The following SIPA1L3 variants were observed in gnomAD, a reference collection of about 807,000 sequenced individuals.
The protein encoded by SIPA1L3 is signal induced proliferation associated 1 like 3.
A neutral mutation model predicts 150.1 loss-of-function variants in SIPA1L3; 59 were observed. The observed-to-expected ratio is 0.39, with a 90% CI of 0.32 to 0.49. SIPA1L3 has a LOEUF of 0.49. Among genes scored for constraint, SIPA1L3 ranks in the 20% least tolerant of loss-of-function variants. SIPA1L3 has a pLI of 0.86. For missense variants in SIPA1L3, 2,211 were observed against 2,489.5 expected, an observed-to-expected ratio of 0.89 and a Z score of 2.38; for synonymous variants, 1,070 against 1,077.6, an observed-to-expected ratio of 0.99 and a Z score of 0.14.
chr19:38,109,026 C>A (rs1365234899), intron 7 of SIPA1L3, among the ~76,000 whole-genome samples: 1 of 152,054 alleles, frequency 6.6e-6, no homozygotes, highest in East Asian at 1.9e-4. Flanking sequence ...ACAATATAAT[C>A]TCAGCAAATA....
intron 1 of SIPA1L3, among the ~76,000 whole-genome samples, chr19:37,985,860 A>G (rs1297167854): frequency 6.6e-6 from 1 of 152,212 alleles, no homozygotes; most frequent in Non-Finnish European, 1.5e-5. Context: ...ATGCGGGGCC[A>G]CAGGGAAGAG....
chr19:38,074,778 T>C (rs1041055866), intron 2 of SIPA1L3, among the ~76,000 whole-genome samples: 1 of 152,242 alleles, frequency 6.6e-6, no homozygotes, highest in Non-Finnish European at 1.5e-5. Flanking sequence ...TGTTGTTTGA[T>C]TTTTGAGATA....
intron 2 of SIPA1L3, among the ~76,000 whole-genome samples, chr19:38,071,258 TATCTATC>T (rs1969716784): frequency 3.3e-5 from 5 of 151,532 alleles, no homozygotes; most frequent in South Asian, 4.2e-4. Context: ...TCTATCTATC[TATCTATC>T]TGCCTGCCTA....
At chr19:37,913,659 G>A (rs2046393168) in intron 1 of SIPA1L3, among the ~76,000 whole-genome samples, 1 of 150,868 alleles carries the variant, frequency 6.6e-6, no homozygotes, top group East Asian at 2.0e-4. Context: ...GCCTTGTACA[G>A]TGCTGGGATT....
At chr19:38,070,048 A>G (rs947867438) in intron 2 of SIPA1L3, among the ~76,000 whole-genome samples, 2 of 151,910 alleles carry the variant, frequency 1.3e-5, no homozygotes, top group African/African-American at 4.8e-5. Flanking sequence ...TCCCCCGAGC[A>G]TCCCCATCTG....
chr19:38,085,353 G>A (rs965737185), intron 3 of SIPA1L3, among the ~76,000 whole-genome samples: 1 of 151,914 alleles, frequency 6.6e-6, no homozygotes, highest in Non-Finnish European at 1.5e-5. Flanking sequence ...GGTGGTGGGC[G>A]CCTGTAGTCC....
intron 8 of SIPA1L3, among the ~76,000 whole-genome samples, chr19:38,115,451 G>A (rs1172296673): frequency 2.0e-5 from 3 of 152,194 alleles, no homozygotes; most frequent in Admixed American, 6.5e-5. Context: ...CGGCAGAATG[G>A]ATCAGAGGGG....
At chr19:38,184,001 A>G (rs1042180476) in intron 16 of SIPA1L3, among the ~76,000 whole-genome samples, 4 of 152,186 alleles carry the variant, frequency 2.6e-5, no homozygotes, top group Non-Finnish European at 5.9e-5. Flanking sequence ...TTTGCTTTAA[A>G]GTGAAAGAGG....
intron 2 of SIPA1L3, among the ~76,000 whole-genome samples, chr19:38,042,229 G>A (rs1440376385): frequency 1.3e-5 from 2 of 151,990 alleles, no homozygotes; most frequent in Non-Finnish European, 2.9e-5. Flanking sequence ...TTTTGTGTAT[G>A]GTATAAGATT....
At chr19:37,956,343 A>G (rs921108583) in intron 1 of SIPA1L3, among the ~76,000 whole-genome samples, 3 of 152,016 alleles carry the variant, frequency 2.0e-5, no homozygotes, top group South Asian at 2.1e-4. Context: ...TTGTTTGCCT[A>G]TTTCTTAATC....
At chr19:37,969,726 A>G (rs2046937021) in intron 1 of SIPA1L3, among the ~76,000 whole-genome samples, 1 of 151,916 alleles carries the variant, frequency 6.6e-6, no homozygotes, top group African/African-American at 2.4e-5. Flanking sequence ...GCCCTTCCCT[A>G]TGCCTGAAAT....
rs111693977 is a variant in SIPA1L3, at chr19:38,011,412, G to T, written c.-378-17677G>T. Among the ~76,000 whole-genome samples, 365 of 152,294 alleles carry T rather than the reference G, an allele frequency of 2.4e-3. 3 individuals carry two copies. Among genetic ancestry groups the T allele is most frequent in the African/African-American group, 8.6e-3 (358 of 41,564 alleles). ...AATCACTTGAGCCCCGGAGGTCCAG[G>T]CTGCAGTGAGCCATGATTGCACCAC... is the stretch of plus-strand genomic sequence containing the variant. On this transcript the variant is annotated intron_variant, in intron 1 of 21. Coordinates refer to ENST00000222345, the MANE Select transcript of SIPA1L3 (RefSeq NM_015073.3).
At position 38,208,024 on chromosome 19, in the gene SIPA1L3, C is replaced by T. The variant is rs1354286601; in HGVS notation, c.*1784C>T. The T allele has an allele frequency of 2.4e-5, 3 of 123,456 alleles. No homozygotes were observed. The highest frequency in any genetic ancestry group is 8.1e-5 in the Admixed American group (1 of 12,312). The allele number at this position is 123,456 out of a possible 1,614,324, so 7.6% of individuals were successfully genotyped here. ...CCACCCCCACCCCTTAGACCCTCAT[C>T]GGGTCCCTTTTTTTTTTTTTTTTTC... On this transcript the variant is annotated 3_prime_UTR_variant, in exon 22 of 22. Transcript: ENST00000222345.
rs34874664 is a variant in SIPA1L3, at chr19:38,018,156, C to CTTTTTTTTTT, written c.-378-10916_-378-10907dup. On this transcript the variant is annotated intron_variant, in intron 1 of 21. Coordinates refer to ENST00000222345, the MANE Select transcript of SIPA1L3 (RefSeq NM_015073.3). ...TCAGTCTGGATAGCCCTTTGAGTGTCTTTTTTTTTTTTTTTTTTTTTTTTT... is the reference window on the plus strand; with the variant it reads ...TCAGTCTGGATAGCCCTTTGAGTGTCTTTTTTTTTTTTTTTTTTTTTTTTTTTTTTTTTTT... Among the ~76,000 whole-genome samples, 13 of 61,328 alleles carry CTTTTTTTTTT rather than the reference C, an allele frequency of 2.1e-4. 1 individual carries two copies. The highest frequency in any genetic ancestry group is 9.5e-4 in the African/African-American group (13 of 13,660). The allele number at this position is 61,328 out of a possible 152,430, so 40.2% of individuals were successfully genotyped here.
At chr19:37,940,745 A>G (rs1263253825) in intron 1 of SIPA1L3, among the ~76,000 whole-genome samples, 1 of 151,608 alleles carries the variant, frequency 6.6e-6, no homozygotes, top group African/African-American at 2.4e-5. Flanking sequence ...ACGCCCAGCT[A>G]ATTTTTTTGT....
intron 1 of SIPA1L3, among the ~76,000 whole-genome samples, chr19:37,966,907 C>G (rs1420419886): frequency 6.6e-6 from 1 of 152,176 alleles, no homozygotes; most frequent in Non-Finnish European, 1.5e-5. Flanking sequence ...CGGACAGGCC[C>G]AGTTTCCACG....
chr19:38,115,161 A>G (rs1970855899), intron 8 of SIPA1L3, among the ~76,000 whole-genome samples: 1 of 152,112 alleles, frequency 6.6e-6, no homozygotes, highest in Non-Finnish European at 1.5e-5. Flanking sequence ...GAGACGGGAG[A>G]TGTTTCTGAA....
rs1193175533 is a variant in SIPA1L3 at position 37,918,792 on chromosome 19, AC to A, written c.-379+11437del. On this transcript the variant is annotated intron_variant, in intron 1 of 21. Coordinates refer to ENST00000222345, the MANE Select transcript of SIPA1L3 (RefSeq NM_015073.3). ...AGGCTGAGGCAGGAGAATCAAACGA[AC>A]CCAGGAGGCAGAGGTTGCAGTGAGC... 4.6e-5 allele frequency among the ~76,000 whole-genome samples: 7 copies of A among 151,850 alleles called. No individual in the cohort carries two copies. In the East Asian group the frequency reaches 1.4e-3, roughly 30 times the overall value.
intron 1 of SIPA1L3, among the ~76,000 whole-genome samples, chr19:38,019,741 C>A (rs558540884): frequency 6.6e-6 from 1 of 152,246 alleles, no homozygotes; most frequent in African/African-American, 2.4e-5. Flanking sequence ...GATTTTGAGG[C>A]TTGTCAAGGA....
Sources: allele counts gnomAD v4.1 joint callset (sites outside exome capture counted in the v4.1 genomes callset), GRCh38; gene constraint gnomAD v4.1.1; transcripts MANE v1.5; gene names NCBI Gene and HGNC (gene_info 2026-07-23, HGNC 2026-07-21).